TRPS1: variants seen among roughly 807,000 people sequenced by gnomAD.
The protein encoded by TRPS1 is zinc finger transcription factor Trps1.
A neutral mutation model predicts 101.2 loss-of-function variants in TRPS1; 6 were observed. That is an observed-to-expected ratio of 0.06 (90% CI 0.03 to 0.12). TRPS1 has a LOEUF of 0.12. Among genes scored for constraint, TRPS1 ranks in the 10% least tolerant of loss-of-function variants. TRPS1 has a pLI of 1.00. For synonymous variants in TRPS1, 578 were observed against 589.8 expected (o/e 0.98, Z 0.29); for missense variants, 1,363 against 1,567.0 (o/e 0.87, Z 2.20).
intron 3 of TRPS1, among the ~76,000 whole-genome samples, chr8:115,617,066 T>C (rs139706555): frequency 1.5e-3 from 228 of 152,338 alleles, no homozygotes; most frequent in African/African-American, 4.9e-3. Context: ...TACAAGTATA[T>C]TCAGTGTTAT....
chr8:115,562,605 A>G (rs1478904850), intron 5 of TRPS1, among the ~76,000 whole-genome samples: 1 of 152,064 alleles, frequency 6.6e-6, no homozygotes, highest in Admixed American at 6.6e-5. Context: ...TTTTAAAACA[A>G]TTTTAAGACT....
intron 5 of TRPS1, among the ~76,000 whole-genome samples, chr8:115,580,130 G>T (rs1426467548): frequency 1.5e-4 from 22 of 151,354 alleles, no homozygotes; most frequent in Admixed American, 1.5e-3. Flanking sequence ...TACCTAGCTT[G>T]CCAAGCTTCC....
chr8:115,475,418 T>C (rs1193916967), intron 5 of TRPS1, among the ~76,000 whole-genome samples: 1 of 151,612 alleles, frequency 6.6e-6, no homozygotes, highest in African/African-American at 2.4e-5. Flanking sequence ...AAATTCTTCT[T>C]GGAAACTATC....
intron 4 of TRPS1, among the ~76,000 whole-genome samples, chr8:115,598,074 T>A (rs1201110566): frequency 1.4e-4 from 21 of 152,228 alleles, no homozygotes; most frequent in Non-Finnish European, 2.9e-4. Flanking sequence ...TGTCTACATG[T>A]CTAACACTTC....
At position 115,418,259 on chromosome 8, in the gene TRPS1, CT is replaced by C; in HGVS notation, c.2823+70del. On this transcript the variant is annotated intron_variant, in intron 6 of 6. Transcript: ENST00000395715. The surrounding 1 kb of genome is among the most constrained non-coding windows in gnomAD (Gnocchi z 4.3). The stretch of plus-strand genomic sequence containing the variant: ...AGGCACTGCAAGCCAGGGAATGGGA[CT>C]TATCACACCACAGACCAGGCCAACA... The C allele has an allele frequency of 6.2e-7, 1 of 1,613,128 alleles. No individual in the cohort carries two copies. Among genetic ancestry groups the C allele is most frequent in the South Asian group, 1.1e-5 (1 of 91,010 alleles).
At chr8:115,568,155 T>C (rs1305513007) in intron 5 of TRPS1, among the ~76,000 whole-genome samples, 1 of 152,070 alleles carries the variant, frequency 6.6e-6, no homozygotes, top group African/African-American at 2.4e-5. Flanking sequence ...GCAGATACCA[T>C]GTATTATTGT....
rs373743615 is a variant in TRPS1, at chr8:115,481,229, C to T, written c.2701-62777G>A. Among the ~76,000 whole-genome samples the T allele has an allele frequency of 1.8e-4, 27 of 152,218 alleles. No homozygotes were observed. The East Asian group carries it at 4.6e-3, about 26-fold the overall frequency. ...GGTTTATAAATAGCTGTTGTAAAGG[C>T]TGGTTGCCACCAAAAATTAATGAAA... On this transcript the variant is annotated intron_variant, in intron 5 of 6. Coordinates refer to ENST00000395715, the MANE Select transcript of TRPS1 (RefSeq NM_014112.5).
chr8:115,554,768 A>T (rs1464141551), intron 5 of TRPS1, among the ~76,000 whole-genome samples: 5 of 152,140 alleles, frequency 3.3e-5, no homozygotes, highest in Admixed American at 6.6e-5. Flanking sequence ...CAGATTAGAA[A>T]AGGGGGCAAG....
In TRPS1 at chr8:115,463,597, G is replaced by A. The variant is rs1035486613; in HGVS notation, c.2701-45145C>T. 5.9e-5 allele frequency among the ~76,000 whole-genome samples: 9 copies of A among 152,062 alleles called. No individual in the cohort carries two copies. The East Asian group carries it at 1.2e-3, about 20-fold the overall frequency. ...TGAAACCAAATATCCATCCATGACC[G>A]GTCAACATGGAAACCCTCATTGAAG... On this transcript the variant is annotated intron_variant, in intron 5 of 6. Transcript: ENST00000395715.
intron 3 of TRPS1, among the ~76,000 whole-genome samples, chr8:115,617,159 T>C (rs1328931292): frequency 6.6e-6 from 1 of 152,202 alleles, no homozygotes; most frequent in Non-Finnish European, 1.5e-5. Context: ...TTGCCACAGA[T>C]TACTTTTTTC....
intron 5 of TRPS1, among the ~76,000 whole-genome samples, chr8:115,505,766 A>G (rs1042552047): frequency 1.2e-4 from 18 of 152,146 alleles, no homozygotes; most frequent in African/African-American, 4.3e-4. Flanking sequence ...TTGTTTACCA[A>G]GTCAGGTCTT....
At chr8:115,514,459 T>A (rs371181458) in intron 5 of TRPS1, among the ~76,000 whole-genome samples, 24 of 151,832 alleles carry the variant, frequency 1.6e-4, no homozygotes, top group African/African-American at 5.5e-4. Flanking sequence ...GATAAAGGCA[T>A]ATATTCGTTT....
Position 115,604,961 on chromosome 8 carries a change from T to A in TRPS1, c.1008A>T (p.Thr336=), listed in dbSNP as rs749317963. The A allele has an allele frequency of 6.2e-7, 1 of 1,613,956 alleles. No homozygotes were observed. Among genetic ancestry groups the A allele is most frequent in the Non-Finnish European group, 8.5e-7 (1 of 1,179,946 alleles). ...GGTFIGIGRK[T]PDCQGNTKYF... ...ACTTGGTGTTCCCTTGGCAATCTGG[T>A]GTTTTCCGTCCAATGCCAATGAATG... The change falls in exon 4 of 7, where the codon ACA becomes ACT. Residue 336 remains threonine, a synonymous_variant. Transcript: ENST00000395715. This position sits in a 1 kb window ranked among gnomAD's most constrained non-coding sequence, Gnocchi z 4.1.
At chr8:115,481,950 G>A (rs558692395) in intron 5 of TRPS1, among the ~76,000 whole-genome samples, 62 of 152,242 alleles carry the variant, frequency 4.1e-4, no homozygotes, top group African/African-American at 1.4e-3. Flanking sequence ...ACAGTATAAT[G>A]GTACAAATGA....
At chr8:115,623,307 TA>T (rs901763622) in intron 2 of TRPS1, among the ~76,000 whole-genome samples, 6 of 151,964 alleles carry the variant, frequency 3.9e-5, no homozygotes, top group Non-Finnish European at 5.9e-5. Context: ...TGCTGTTTTT[TA>T]AAAAAATGTG....
intron 5 of TRPS1, among the ~76,000 whole-genome samples, chr8:115,506,236 TA>T (rs1586344109): frequency 1.3e-5 from 2 of 151,298 alleles, no homozygotes; most frequent in South Asian, 2.1e-4. Flanking sequence ...AAAAATGGGG[TA>T]AAAAAACATG....
intron 5 of TRPS1, among the ~76,000 whole-genome samples, chr8:115,445,483 T>C (rs921517178): frequency 6.6e-6 from 1 of 152,208 alleles, no homozygotes; most frequent in African/African-American, 2.4e-5. Flanking sequence ...GGTCCAGAGA[T>C]GTTAAAACTA....
At chr8:115,443,329 C>G (rs1303595279) in intron 5 of TRPS1, among the ~76,000 whole-genome samples, 1 of 152,100 alleles carries the variant, frequency 6.6e-6, no homozygotes, top group African/African-American at 2.4e-5. Flanking sequence ...GTTTTGTTGA[C>G]AGTTATAATG....
chr8:115,584,926 T>C lies in TRPS1; in HGVS notation c.2700+2075A>G, dbSNP rs531561764. On this transcript the variant is annotated intron_variant, in intron 5 of 6. Transcript: ENST00000395715. Reference sequence around the variant, plus strand: ...GATTTCCAAAAGCACTATTCAAATATAAAATGTGAATCTTAAAAGATTTAA... The same window carrying C: ...GATTTCCAAAAGCACTATTCAAATACAAAATGTGAATCTTAAAAGATTTAA... Among the ~76,000 whole-genome samples the C allele has an allele frequency of 2.6e-5, 4 of 152,280 alleles. 1 individual carries two copies. In the South Asian group the frequency reaches 8.3e-4, roughly 32 times the overall value.
Sources: gnomAD v4.1 joint callset for allele counts (sites outside exome capture counted in the v4.1 genomes callset) on GRCh38, gnomAD v4.1.1 for gene constraint, Gnocchi (gnomAD v3.1) non-coding constraint, MANE v1.5 for transcripts, NCBI Gene and HGNC (gene_info 2026-07-23, HGNC 2026-07-21) for gene names.